SFMBT2: variants seen among roughly 807,000 people sequenced by gnomAD.
SFMBT2 encodes scm-like with four MBT domains protein 2.
A neutral mutation model predicts 110.1 loss-of-function variants in SFMBT2; 38 were observed. The observed-to-expected ratio is 0.35, with a 90% CI of 0.27 to 0.45. The LOEUF (loss-of-function observed/expected upper bound fraction) is 0.45, where lower values mean the gene tolerates loss of function less well. Ranked by LOEUF, SFMBT2 falls within the 20% of genes least tolerant of loss-of-function variation. The pLI is 1.00. For synonymous variants in SFMBT2, 425 were observed against 425.4 expected, an observed-to-expected ratio of 1.00 and a Z score of 0.01; for missense variants, 1,011 against 1,094.9, an observed-to-expected ratio of 0.92 and a Z score of 1.08.
chr10:7,348,527 A>T (rs2132003681), intron 4 of SFMBT2, among the ~76,000 whole-genome samples: 1 of 152,314 alleles, frequency 6.6e-6, no homozygotes, highest in Middle Eastern at 3.4e-3. Flanking sequence ...ATAATTAGGA[A>T]AACCTTCAAA....
intron 5 of SFMBT2, chr10:7,285,359 A>G (rs1187968422): frequency 6.6e-6 from 1 of 152,280 alleles, no homozygotes; most frequent in Non-Finnish European, 1.5e-5. Context: ...ACGATCTGCC[A>G]TTTCTCCTCT....
chr10:7,331,899 A>G (rs1474884333), intron 4 of SFMBT2, among the ~76,000 whole-genome samples: 1 of 151,746 alleles, frequency 6.6e-6, no homozygotes, highest in Admixed American at 6.6e-5. Context: ...ATTCTCAGCA[A>G]CTCAGGAGGC....
At chr10:7,402,167 G>C (rs1290607784) in intron 1 of SFMBT2, among the ~76,000 whole-genome samples, 1 of 150,572 alleles carries the variant, frequency 6.6e-6, no homozygotes, top group Non-Finnish European at 1.5e-5. Flanking sequence ...TCTGGAGATA[G>C]GAAAAAATAA....
At chr10:7,374,392 A>G (rs1049050597) in intron 2 of SFMBT2, among the ~76,000 whole-genome samples, 15 of 152,316 alleles carry the variant, frequency 9.8e-5, no homozygotes, top group Admixed American at 9.2e-4. Context: ...CGATGATTCT[A>G]TCACTTCAGA....
chr10:7,320,572 G>A (rs1206808494), intron 4 of SFMBT2: 3 of 983,128 alleles, frequency 3.1e-6, no homozygotes, highest in Non-Finnish European at 3.6e-6. Flanking sequence ...CAATTGCAGA[G>A]AACAGTAAAG....
chr10:7,275,147 G>A (rs1841730515), intron 7 of SFMBT2, among the ~76,000 whole-genome samples: 1 of 152,246 alleles, frequency 6.6e-6, no homozygotes, highest in South Asian at 2.1e-4. Flanking sequence ...GGCAGACCTG[G>A]GGCTGCAGCG....
chr10:7,169,109 CCCA>C (rs1837789925), intron 20 of SFMBT2, among the ~76,000 whole-genome samples: 1 of 152,140 alleles, frequency 6.6e-6, no homozygotes, highest in African/African-American at 2.4e-5. Context: ...ATTACAGGCA[CCCA>C]CCACCACGCC....
intron 7 of SFMBT2, among the ~76,000 whole-genome samples, chr10:7,259,532 C>G (rs1007881408): frequency 2.6e-5 from 4 of 152,264 alleles, no homozygotes; most frequent in African/African-American, 9.6e-5. Flanking sequence ...CCACTAGATG[C>G]TGACTGCATC....
At chr10:7,227,976 A>G (rs1268374561) in intron 9 of SFMBT2, 39 bp from the exon 10 acceptor site, 1 of 1,501,922 alleles carries the variant, frequency 6.7e-7, no homozygotes, top group Non-Finnish European at 9.0e-7. Flanking sequence ...GCGCACATTA[A>G]GCAAAATCCC....
chr10:7,255,419 A>T (rs1007479270), intron 7 of SFMBT2, among the ~76,000 whole-genome samples: 4 of 152,228 alleles, frequency 2.6e-5, no homozygotes, highest in Non-Finnish European at 5.9e-5. Context: ...ACATTAAAGA[A>T]ATACTGTTTA....
intron 7 of SFMBT2, among the ~76,000 whole-genome samples, chr10:7,263,335 G>A (rs1841275366): frequency 1.3e-5 from 2 of 152,218 alleles, no homozygotes; most frequent in South Asian, 2.1e-4. Context: ...TCCACCTCCC[G>A]GGTTCAAGTG....
At chr10:7,278,846 G>A (rs1188406421) in intron 6 of SFMBT2, among the ~76,000 whole-genome samples, 1 of 152,078 alleles carries the variant, frequency 6.6e-6, no homozygotes, top group African/African-American at 2.4e-5. Context: ...GGGAGGCTGA[G>A]GTGGGTGGAT....
At chr10:7,314,089 A>C in intron 4 of SFMBT2, among the ~76,000 whole-genome samples, 1 of 152,188 alleles carries the variant, frequency 6.6e-6, no homozygotes, top group East Asian at 1.9e-4. Flanking sequence ...CCCTATTGAA[A>C]TTATCACTGA....
At chr10:7,304,182 G>A (rs1353025751) in intron 4 of SFMBT2, among the ~76,000 whole-genome samples, 1 of 152,148 alleles carries the variant, frequency 6.6e-6, no homozygotes, top group Non-Finnish European at 1.5e-5. Context: ...GTCTTGGGAG[G>A]GACCCACTGG....
chr10:7,250,894 G>A lies in SFMBT2; in HGVS notation c.871-2245C>T, dbSNP rs114235173. On this transcript the variant is annotated intron_variant, in intron 7 of 20. Coordinates refer to ENST00000397167, the MANE Select transcript of SFMBT2 (RefSeq NM_001387889.1). ...AATCAAAGGCTACTGTACAGAGAGCGAATGTGGATTAACACACACCAGCCA... is the reference window on the plus strand; with the variant it reads ...AATCAAAGGCTACTGTACAGAGAGCAAATGTGGATTAACACACACCAGCCA... Among the ~76,000 whole-genome samples the A allele has an allele frequency of 2.6e-3, 395 of 152,276 alleles. 5 individuals are homozygous for A. Among genetic ancestry groups the A allele is most frequent in the African/African-American group, 9.1e-3 (380 of 41,562 alleles).
intron 15 of SFMBT2, among the ~76,000 whole-genome samples, chr10:7,192,854 C>T (rs771731775): frequency 5.3e-5 from 8 of 152,206 alleles, no homozygotes; most frequent in Non-Finnish European, 8.8e-5. Context: ...TCAGGGGTGC[C>T]GCACTACTTC....
chr10:7,368,763 C>A (rs1044892399), intron 3 of SFMBT2, among the ~76,000 whole-genome samples: 1 of 152,252 alleles, frequency 6.6e-6, no homozygotes, highest in African/African-American at 2.4e-5. Context: ...CAAATCATCT[C>A]AGCATCTTAA....
intron 4 of SFMBT2, among the ~76,000 whole-genome samples, chr10:7,326,855 A>G (rs1013702430): frequency 2.0e-5 from 3 of 152,172 alleles, no homozygotes; most frequent in African/African-American, 7.2e-5. Context: ...TTTGCTTCCA[A>G]AGCTGCTCTT....
chr10:7,300,633 G>A (rs752667811), intron 4 of SFMBT2, among the ~76,000 whole-genome samples: 6 of 151,884 alleles, frequency 4.0e-5, no homozygotes, highest in African/African-American at 7.3e-5. Context: ...GTTCCCTACC[G>A]CTTCTGACAG....
Sources: allele counts gnomAD v4.1 joint callset (sites outside exome capture counted in the v4.1 genomes callset), GRCh38; gene constraint gnomAD v4.1.1; transcripts MANE v1.5; gene names NCBI Gene and HGNC (gene_info 2026-07-23, HGNC 2026-07-21).